SAMD5: variants seen among roughly 807,000 people sequenced by gnomAD.
SAMD5 encodes sterile alpha motif domain-containing protein 5.
A neutral mutation model predicts 11.3 loss-of-function variants in SAMD5; 13 were observed. That is an observed-to-expected ratio of 1.15 (90% CI 0.75 to 1.83). The LOEUF (loss-of-function observed/expected upper bound fraction) is 1.83. Among genes scored for constraint, SAMD5 ranks in the 40% most tolerant of loss-of-function variants. SAMD5 has a pLI of 0.00. For synonymous variants in SAMD5, 129 were observed against 111.3 expected (o/e 1.16, Z -1.00); for missense variants, 255 against 239.1 (o/e 1.07, Z -0.44).
the SAMD5 span, among the ~76,000 whole-genome samples, chr6:147,876,527 C>A: frequency 6.6e-6 from 1 of 152,156 alleles, no homozygotes; most frequent in Non-Finnish European, 1.5e-5. Flanking sequence ...TGAATGGCAC[C>A]TCTGAATTGA....
the SAMD5 span, among the ~76,000 whole-genome samples, chr6:147,873,018 T>C: frequency 6.6e-6 from 1 of 152,236 alleles, no homozygotes; most frequent in East Asian, 1.9e-4. Flanking sequence ...AATTGATCTA[T>C]GCCTTGGTAG....
chr6:147,658,715 C>T (rs1463779275), intron 1 of SAMD5, among the ~76,000 whole-genome samples: 2 of 151,712 alleles, frequency 1.3e-5, no homozygotes, highest in Admixed American at 1.3e-4. Context: ...ATTCTTTGAG[C>T]ACATGGAATT....
chr6:147,680,460 C>G (rs1446937479), intron 1 of SAMD5, among the ~76,000 whole-genome samples: 1 of 152,190 alleles, frequency 6.6e-6, no homozygotes, highest in Admixed American at 6.5e-5. Context: ...AGGTGGACTG[C>G]GAATAATAAT....
chr6:147,720,654 C>T (rs1362896156), intron 1 of SAMD5, among the ~76,000 whole-genome samples: 1 of 152,026 alleles, frequency 6.6e-6, no homozygotes, highest in African/African-American at 2.4e-5. Context: ...ATAATCTACA[C>T]TGACTGTATA....
the SAMD5 span, among the ~76,000 whole-genome samples, chr6:147,818,242 T>G: frequency 1.2e-4 from 18 of 152,184 alleles, no homozygotes; most frequent in African/African-American, 4.1e-4. Flanking sequence ...ACTGATGGTA[T>G]GATTTGTGGT....
At chr6:147,839,291 G>A in the SAMD5 span, among the ~76,000 whole-genome samples, 1 of 152,174 alleles carries the variant, frequency 6.6e-6, no homozygotes, top group Non-Finnish European at 1.5e-5. Flanking sequence ...ATATGTCAAA[G>A]GATTCCACCT....
intron 1 of SAMD5, among the ~76,000 whole-genome samples, chr6:147,688,281 T>A (rs1791047049): frequency 6.6e-6 from 1 of 152,170 alleles, no homozygotes; most frequent in Admixed American, 6.5e-5. Flanking sequence ...TGTGTTCACT[T>A]TTTGTGTTTT....
rs767605375 is a variant in SAMD5, at chr6:147,508,908, G to T, written c.-21G>T. ...TTTGGGCGCTGGGAAGGTGCTCGGCGGCGGGGTTCCCGGTCCCACCATGTG... is the reference window on the plus strand; with the variant it reads ...TTTGGGCGCTGGGAAGGTGCTCGGCTGCGGGGTTCCCGGTCCCACCATGTG... On this transcript the variant is annotated 5_prime_UTR_variant, in exon 1 of 2. Coordinates refer to ENST00000367474, the MANE Select transcript of SAMD5 (RefSeq NM_001030060.3). 6.9e-6 allele frequency: 11 copies of T among 1,584,368 alleles called. No homozygotes were observed. In the East Asian group the frequency reaches 2.4e-4, roughly 35 times the overall value.
At chr6:147,787,139 A>C in the SAMD5 span, among the ~76,000 whole-genome samples, 2 of 152,218 alleles carry the variant, frequency 1.3e-5, no homozygotes, top group East Asian at 3.8e-4. Context: ...AAGGACCTAC[A>C]ATTTGTGGGG....
At chr6:147,604,312 C>T (rs1222373089) in intron 1 of SAMD5, among the ~76,000 whole-genome samples, 2 of 151,576 alleles carry the variant, frequency 1.3e-5, no homozygotes, top group South Asian at 2.1e-4. Context: ...CTTAATTGTT[C>T]CTCCTATAAA....
chr6:147,671,310 G>T (rs895397352), intron 1 of SAMD5, among the ~76,000 whole-genome samples: 9 of 152,188 alleles, frequency 5.9e-5, no homozygotes, highest in South Asian at 2.1e-4. Flanking sequence ...CACAAAGTGA[G>T]CACATGCTGT....
the SAMD5 span, among the ~76,000 whole-genome samples, chr6:147,942,540 C>T: frequency 1.3e-5 from 2 of 152,176 alleles, no homozygotes; most frequent in African/African-American, 4.8e-5. Flanking sequence ...TGGGGAAGCC[C>T]TTCAAGCTGT....
chr6:147,599,619 A>G (rs1053626892), intron 1 of SAMD5, among the ~76,000 whole-genome samples: 7 of 152,302 alleles, frequency 4.6e-5, no homozygotes, highest in African/African-American at 1.7e-4. Flanking sequence ...AGGCCTCAGC[A>G]TTCGACTTGG....
At chr6:147,675,215 T>C (rs568445948) in intron 1 of SAMD5, among the ~76,000 whole-genome samples, 1 of 152,336 alleles carries the variant, frequency 6.6e-6, no homozygotes, top group South Asian at 2.1e-4. Context: ...ACCCATTTTC[T>C]CTTAGGTTTT....
At chr6:147,816,151 G>A in the SAMD5 span, among the ~76,000 whole-genome samples, 12 of 150,410 alleles carry the variant, frequency 8.0e-5, no homozygotes, top group South Asian at 4.2e-4. Context: ...GTGGTGGCGC[G>A]CGCCTGTAAT....
At chr6:147,891,642 T>C in the SAMD5 span, among the ~76,000 whole-genome samples, 1 of 152,020 alleles carries the variant, frequency 6.6e-6, no homozygotes, top group Admixed American at 6.5e-5. Context: ...CAGGTAATAT[T>C]ATAAAAAATC....
chr6:147,632,933 G>A (rs1790172500), intron 1 of SAMD5, among the ~76,000 whole-genome samples: 1 of 152,030 alleles, frequency 6.6e-6, no homozygotes, highest in Non-Finnish European at 1.5e-5. Context: ...TCATGCCTTT[G>A]CACCTTCTTA....
In SAMD5 at chr6:147,568,292, T is replaced by C; in HGVS notation, c.*3836T>C. 1.0e-6 allele frequency: 1 copy of C among 985,334 alleles called. No homozygotes were observed. Among genetic ancestry groups the C allele is most frequent in the Non-Finnish European group, 1.2e-6 (1 of 829,856 alleles). 61.0% of individuals were successfully genotyped at this position (985,334 alleles called of 1,614,324 possible). A position where few individuals can be genotyped will look rare whatever the true frequency, so the allele number is the denominator to read the frequency against. ...GAAAATTGATATGAGCATGTCTGAA[T>C]TTTTCCCTTATAAGAGCCTGAGTAT... On this transcript the variant is annotated 3_prime_UTR_variant, in exon 2 of 2. Coordinates refer to ENST00000367474, the MANE Select transcript of SAMD5 (RefSeq NM_001030060.3).
chr6:147,788,598 C>T, the SAMD5 span, among the ~76,000 whole-genome samples: 19 of 152,144 alleles, frequency 1.2e-4, no homozygotes, highest in African/African-American at 2.6e-4. Flanking sequence ...TAAGATTTTC[C>T]GAGTCAATGT....
Sources: allele counts gnomAD v4.1 joint callset (sites outside exome capture counted in the v4.1 genomes callset), GRCh38; gene constraint gnomAD v4.1.1; transcripts MANE v1.5; gene names NCBI Gene and HGNC (gene_info 2026-07-23, HGNC 2026-07-21).